Variants in KCNK10 observed in about 807,000 individuals in gnomAD.
KCNK10 encodes potassium two pore domain channel subfamily K member 10.
In KCNK10, 25 loss-of-function variants were observed where a neutral mutation model predicts 47.7. The observed-to-expected ratio is 0.52, with a 90% CI of 0.38 to 0.73. KCNK10 has a LOEUF of 0.73. KCNK10 is among the 30% of genes least tolerant of loss of function. KCNK10 has a pLI of 0.00. For missense variants in KCNK10, 563 were observed against 714.5 expected (o/e 0.79, Z 2.42); for synonymous variants, 303 against 285.6 (o/e 1.06, Z -0.61).
intron 1 of KCNK10, among the ~76,000 whole-genome samples, chr14:88,314,468 C>T (rs900985074): frequency 5.3e-5 from 8 of 152,062 alleles, no homozygotes; most frequent in East Asian, 3.8e-4. Context: ...TTAAAGCAGC[C>T]GAAATCAACT....
chr14:88,283,796 C>T (rs1371694132), intron 1 of KCNK10, among the ~76,000 whole-genome samples: 2 of 152,004 alleles, frequency 1.3e-5, no homozygotes, highest in Non-Finnish European at 2.9e-5. Flanking sequence ...CACCTGTAGT[C>T]CCAGCTACTC....
chr14:88,238,036 T>C (rs1003531111), intron 3 of KCNK10, among the ~76,000 whole-genome samples: 1 of 152,238 alleles, frequency 6.6e-6, no homozygotes, highest in Admixed American at 6.5e-5. Context: ...AGCCACTTTC[T>C]TAGCTAGACC....
rs190026121 is a variant in KCNK10, at chr14:88,180,685, C to T, written c.*4850G>A. ...ATAACTTTCAGTAAAATCAGAGACA[C>T]CTCTCATTTCTCCTCAATGCCACTG... is the stretch of plus-strand genomic sequence containing the variant. On this transcript the variant is annotated 3_prime_UTR_variant, in exon 7 of 7. Transcript: ENST00000319231. 1.0e-5 allele frequency: 4 copies of T among 398,460 alleles called. No homozygotes were observed. Among genetic ancestry groups the T allele is most frequent in the African/African-American group, 4.1e-5 (2 of 48,746 alleles). 24.7% of individuals were successfully genotyped at this position (398,460 alleles called of 1,614,324 possible).
chr14:88,296,073 G>A (rs1232041349), intron 1 of KCNK10, among the ~76,000 whole-genome samples: 1 of 152,144 alleles, frequency 6.6e-6, no homozygotes, highest in Non-Finnish European at 1.5e-5. Flanking sequence ...CCAGGTATTG[G>A]TAGAATCTTG....
chr14:88,276,150 C>A (rs1010067720), intron 1 of KCNK10, among the ~76,000 whole-genome samples: 3 of 152,102 alleles, frequency 2.0e-5, no homozygotes, highest in Non-Finnish European at 2.9e-5. Context: ...CCAAAATTCA[C>A]ACACTGAAAT....
At chr14:88,298,003 T>A (rs531976823) in intron 1 of KCNK10, among the ~76,000 whole-genome samples, 2 of 152,088 alleles carry the variant, frequency 1.3e-5, no homozygotes, top group African/African-American at 4.8e-5. Context: ...CCCAGGAGAG[T>A]CATTTCTGTG....
intron 1 of KCNK10, among the ~76,000 whole-genome samples, chr14:88,311,259 G>A (rs1029637832): frequency 3.3e-5 from 5 of 152,090 alleles, no homozygotes; most frequent in African/African-American, 9.7e-5. Flanking sequence ...ATTTATTAGC[G>A]ATTTAAATAA....
chr14:88,274,435 G>A (rs368083476), intron 1 of KCNK10, among the ~76,000 whole-genome samples: 33 of 150,688 alleles, frequency 2.2e-4, no homozygotes, highest in African/African-American at 7.8e-4. Flanking sequence ...GGTGGCGCAC[G>A]CTGTAATTCC....
At position 88,181,566 on chromosome 14, in the gene KCNK10, C is replaced by G. The variant is rs1419026502; in HGVS notation, c.*3969G>C. On this transcript the variant is annotated 3_prime_UTR_variant, in exon 7 of 7. Coordinates refer to ENST00000319231, the MANE Select transcript of KCNK10 (RefSeq NM_138317.3). ...AGTCTTAACACCATGCAAAAAATGCCCTCACAGCATGAGCCCTCCCGGTGA... is the reference window on the plus strand; with the variant it reads ...AGTCTTAACACCATGCAAAAAATGCGCTCACAGCATGAGCCCTCCCGGTGA... 6.6e-6 allele frequency: 1 copy of G among 152,100 alleles called. No individual in the cohort carries two copies. Among genetic ancestry groups the G allele is most frequent in the Non-Finnish European group, 1.5e-5 (1 of 68,004 alleles). 9.4% of individuals were successfully genotyped at this position (152,100 alleles called of 1,614,324 possible).
At chr14:88,271,619 A>G (rs1205398765) in intron 1 of KCNK10, among the ~76,000 whole-genome samples, 2 of 152,142 alleles carry the variant, frequency 1.3e-5, no homozygotes, top group African/African-American at 4.8e-5. Flanking sequence ...TACTTGTGAG[A>G]TTTTAAAAAT....
At position 88,323,127 on chromosome 14, in the gene KCNK10, C is replaced by A. The variant is rs1454635882; in HGVS notation, c.-329G>T. On this transcript the variant is annotated 5_prime_UTR_variant, in exon 1 of 7. Coordinates refer to ENST00000319231, the MANE Select transcript of KCNK10 (RefSeq NM_138317.3). Reference sequence around the variant, plus strand: ...GAAGAGCCAAGCTGCTTCCCAAAAGCGGTGCCGGCAGGTTAGGGGCTGCGC... The same window carrying A: ...GAAGAGCCAAGCTGCTTCCCAAAAGAGGTGCCGGCAGGTTAGGGGCTGCGC... The A allele has an allele frequency of 8.6e-7, 1 of 1,166,710 alleles. No homozygotes were observed. Among genetic ancestry groups the A allele is most frequent in the Non-Finnish European group, 1.1e-6 (1 of 936,786 alleles). The allele number at this position is 1,166,710 out of a possible 1,614,324, so 72.3% of individuals were successfully genotyped here.
In KCNK10 at chr14:88,322,817, G is replaced by T. The variant is rs773971276; in HGVS notation, c.-19C>A. 20 of 1,614,022 alleles carry T rather than the reference G, an allele frequency of 1.2e-5. No individual in the cohort carries two copies. In the South Asian group the frequency reaches 2.1e-4, roughly 17 times the overall value. On this transcript the variant is annotated 5_prime_UTR_variant, in exon 1 of 7. Coordinates refer to ENST00000319231, the MANE Select transcript of KCNK10 (RefSeq NM_138317.3). The surrounding 1 kb of genome is among the most constrained non-coding windows in gnomAD (Gnocchi z 4.8). The stretch of plus-strand genomic sequence containing the variant: ...ATTTCATTGCTTCGTTGCCCAGAAG[G>T]GGAAGAAATGAAAAGAACCCAAATA...
intron 1 of KCNK10, among the ~76,000 whole-genome samples, chr14:88,291,527 G>A (rs544044836): frequency 6.6e-5 from 10 of 152,314 alleles, no homozygotes; most frequent in African/African-American, 2.4e-4. Flanking sequence ...AAAGAGAACT[G>A]CTCAGAGATC....
intron 1 of KCNK10, among the ~76,000 whole-genome samples, chr14:88,274,566 A>AAAAAAAAACAAAAAAAAAAAAAAAAT (rs55899872): frequency 7.2e-6 from 1 of 139,626 alleles, no homozygotes; most frequent in African/African-American, 3.1e-5. Context: ...AAAAAAAAAA[A>AAAAAAAAACAAAAAAAAAAAAAAAAT]GATCTTATGG....
chr14:88,277,131 C>G (rs1887541237), intron 1 of KCNK10, among the ~76,000 whole-genome samples: 1 of 152,114 alleles, frequency 6.6e-6, no homozygotes, highest in South Asian at 2.1e-4. Flanking sequence ...GCAGCCTCAG[C>G]CATCTCCATT....
chr14:88,192,083 T>G, intron 5 of KCNK10, 141 bp downstream of exon 5: 3 of 744,088 alleles, frequency 4.0e-6, no homozygotes, highest in Admixed American at 5.8e-5. Context: ...GGATTTGAAA[T>G]GAGCCTCTTC....
intron 4 of KCNK10, among the ~76,000 whole-genome samples, chr14:88,220,672 C>T (rs1595088369): frequency 6.7e-6 from 1 of 149,822 alleles, no homozygotes; most frequent in African/African-American, 2.4e-5. Context: ...AAAAATATGG[C>T]TGCAGACACA....
intron 2 of KCNK10, among the ~76,000 whole-genome samples, chr14:88,250,734 T>G (rs920341513): frequency 2.6e-5 from 4 of 151,914 alleles, no homozygotes; most frequent in African/African-American, 9.7e-5. Context: ...ACAAGGTGAG[T>G]TTTTGTCTTA....
chr14:88,192,486 G>T, intron 4 of KCNK10, 76 bp from the exon 5 acceptor site: 1 of 1,274,858 alleles, frequency 7.8e-7, no homozygotes, highest in Non-Finnish European at 1.1e-6. Flanking sequence ...CACAGAAAAC[G>T]GTACTGTGTC....
Sources: allele counts gnomAD v4.1 joint callset (sites outside exome capture counted in the v4.1 genomes callset), GRCh38; gene constraint gnomAD v4.1.1; non-coding constraint Gnocchi (gnomAD v3.1); transcripts MANE v1.5; gene names NCBI Gene and HGNC (gene_info 2026-07-23, HGNC 2026-07-21).